Variants in SCLT1 observed in about 807,000 individuals in gnomAD.
SCLT1 encodes sodium channel-associated protein 1.
A neutral mutation model predicts 112.8 loss-of-function variants in SCLT1; 78 were observed. The observed-to-expected ratio is 0.69, with a 90% CI of 0.58 to 0.83. SCLT1 has a LOEUF of 0.83. SCLT1 is among the 40% of genes least tolerant of loss of function. SCLT1 has a pLI of 0.00. For synonymous variants in SCLT1, 257 were observed against 254.7 expected (o/e 1.01, Z -0.09); for missense variants, 747 against 770.4 (o/e 0.97, Z 0.36).
intron 20 of SCLT1, among the ~76,000 whole-genome samples, chr4:128,887,998 T>C (rs1733014764): frequency 6.6e-6 from 1 of 152,214 alleles, no homozygotes; most frequent in Non-Finnish European, 1.5e-5. Flanking sequence ...TAGAGCAGTG[T>C]TGTGTAACAG....
intron 8 of SCLT1, among the ~76,000 whole-genome samples, chr4:128,997,034 T>G (rs1052193306): frequency 9.2e-5 from 14 of 152,052 alleles, no homozygotes; most frequent in African/African-American, 3.4e-4. Flanking sequence ...AGTAACCATT[T>G]TGTTCTGGAG....
At chr4:129,014,745 G>A (rs1744841057) in intron 5 of SCLT1, among the ~76,000 whole-genome samples, 1 of 152,230 alleles carries the variant, frequency 6.6e-6, no homozygotes, top group Non-Finnish European at 1.5e-5. Flanking sequence ...GTCAGCCAAA[G>A]TGTTTCATAG....
intron 18 of SCLT1, among the ~76,000 whole-genome samples, chr4:128,928,842 A>T (rs2125971515): frequency 6.6e-6 from 1 of 152,282 alleles, no homozygotes; most frequent in South Asian, 2.1e-4. Context: ...CGCAAAAAAA[A>T]AAAAAATTAA....
In SCLT1 at chr4:129,092,938, T is replaced by C. The variant is rs1752982290; in HGVS notation, c.34+132A>G. The C allele has an allele frequency of 5.7e-6, 4 of 704,026 alleles. No individual in the cohort carries two copies. The Admixed American group carries it at 9.6e-5, about 17-fold the overall frequency. The allele number at this position is 704,026 out of a possible 1,614,324, so 43.6% of individuals were successfully genotyped here. A position where few individuals can be genotyped will look rare whatever the true frequency, so the allele number is the denominator to read the frequency against. ...CTCACGTATAACATCAAGGTTTTTT[T>C]TTTCCTGCAACTAACTTCTTTAACT... On this transcript the variant is annotated intron_variant, in intron 1 of 20. Transcript: ENST00000281142.
intron 18 of SCLT1, among the ~76,000 whole-genome samples, chr4:128,911,031 A>G (rs1735054527): frequency 6.6e-6 from 1 of 152,174 alleles, no homozygotes; most frequent in Non-Finnish European, 1.5e-5. Context: ...TGGAAGGCCA[A>G]GGTGGGTAGA....
chr4:129,051,052 T>G (rs1415027406), intron 2 of SCLT1, among the ~76,000 whole-genome samples: 1 of 152,168 alleles, frequency 6.6e-6, no homozygotes, highest in African/African-American at 2.4e-5. Flanking sequence ...TGGTGTTATT[T>G]CTGAGGCCTC....
intron 9 of SCLT1, among the ~76,000 whole-genome samples, chr4:128,984,138 T>C (rs1741898543): frequency 6.6e-6 from 1 of 152,212 alleles, no homozygotes; most frequent in Non-Finnish European, 1.5e-5. Flanking sequence ...GTTTTAGGCT[T>C]TGGAAAACTG....
At chr4:128,978,678 T>C (rs917832797) in intron 9 of SCLT1, among the ~76,000 whole-genome samples, 4 of 151,968 alleles carry the variant, frequency 2.6e-5, no homozygotes, top group Non-Finnish European at 5.9e-5. Context: ...AAAGAGTGAC[T>C]ATAATAAATA....
chr4:129,032,909 G>A (rs890938849), intron 5 of SCLT1, among the ~76,000 whole-genome samples: 16 of 152,158 alleles, frequency 1.1e-4, no homozygotes, highest in Admixed American at 3.9e-4. Context: ...TTCAACCATT[G>A]TGGAAGACAG....
At position 128,943,070 on chromosome 4, in the gene SCLT1, T is replaced by C. The variant is rs1316449288; in HGVS notation, c.1558A>G (p.Asn520Asp). 6.2e-7 allele frequency: 1 copy of C among 1,613,472 alleles called. No homozygotes were observed. The highest frequency in any genetic ancestry group is 8.5e-7 in the Non-Finnish European group (1 of 1,179,570). Reference protein sequence around the residue: ...SEQRLKLQQENKQLRKETESL... With the variant: ...SEQRLKLQQEDKQLRKETESL... ...TCAGTCTCTTTCCGTAACTGTTTAT[T>C]TTCTTGCTGAAGTTTTAGCCTTTGT... The change falls in exon 17 of 21, where the codon AAT becomes GAT. Residue 520 changes from asparagine (N) to aspartate (D), a missense_variant. Physicochemically the swap from Asn to Asp is conservative, Grantham distance 23. Transcript: ENST00000281142.
chr4:128,908,787 T>C (rs1341448803), intron 18 of SCLT1, among the ~76,000 whole-genome samples: 1 of 152,182 alleles, frequency 6.6e-6, no homozygotes, highest in Admixed American at 6.5e-5. Flanking sequence ...ACTGAGTTAG[T>C]TAAGTGCCCA....
rs769159620 is a variant in SCLT1, at chr4:128,942,980, C to T, written c.1632+16G>A. ...GATTTTCATAAGTACACATTTAACT[C>T]TAGTCTTGAAAATACCTTTACTTTG... On this transcript the variant is annotated intron_variant, in intron 17 of 20. Coordinates refer to ENST00000281142, the MANE Select transcript of SCLT1 (RefSeq NM_144643.4). The T allele has an allele frequency of 1.9e-6, 3 of 1,567,646 alleles. No individual in the cohort carries two copies. In the South Asian group the frequency reaches 3.4e-5, roughly 18 times the overall value.
At chr4:129,030,986 C>T (rs112133246) in intron 5 of SCLT1, among the ~76,000 whole-genome samples, 2,190 of 152,124 alleles carry the variant, frequency 0.014, 47 homozygotes, top group African/African-American at 0.044. Context: ...AGGCCAGCAT[C>T]GTCCTGATAC....
chr4:129,013,139 C>T (rs1744686738), intron 5 of SCLT1, among the ~76,000 whole-genome samples: 1 of 152,124 alleles, frequency 6.6e-6, no homozygotes, highest in Non-Finnish European at 1.5e-5. Context: ...TCTCCCTCCT[C>T]CCACCCTCTC....
In SCLT1 at chr4:129,025,272, G is replaced by A. The variant is rs542565643; in HGVS notation, c.290+13769C>T. Among the ~76,000 whole-genome samples, 732 of 152,246 alleles carry A rather than the reference G, an allele frequency of 4.8e-3. 4 individuals are homozygous for A. Among genetic ancestry groups the A allele is most frequent in the African/African-American group, 0.016 (665 of 41,560 alleles). On this transcript the variant is annotated intron_variant, in intron 5 of 20. Transcript: ENST00000281142. ...TCAGATTCACCAAAGTGGAAATGAA[G>A]GAAAAAATGTTAAGGGCAGCCAGAG...
At chr4:129,071,916 G>T (rs757404139) in intron 2 of SCLT1, among the ~76,000 whole-genome samples, 1 of 152,082 alleles carries the variant, frequency 6.6e-6, no homozygotes, top group Non-Finnish European at 1.5e-5. Flanking sequence ...GGTCCTGTGT[G>T]ATTTATGCTT....
intron 2 of SCLT1, among the ~76,000 whole-genome samples, chr4:129,058,807 C>T (rs1007057869): frequency 6.6e-6 from 1 of 152,054 alleles, no homozygotes; most frequent in Non-Finnish European, 1.5e-5. Flanking sequence ...GTGTTAATGT[C>T]ACCACCTATT....
intron 5 of SCLT1, among the ~76,000 whole-genome samples, chr4:129,010,748 C>T (rs548268704): frequency 6.6e-6 from 1 of 152,070 alleles, no homozygotes; most frequent in Non-Finnish European, 1.5e-5. Context: ...TACAGGAGTG[C>T]TAGTAATTTT....
chr4:128,885,723 A>C (rs1732844758), intron 20 of SCLT1, among the ~76,000 whole-genome samples: 1 of 152,246 alleles, frequency 6.6e-6, no homozygotes, highest in African/African-American at 2.4e-5. Flanking sequence ...TTTGAAAGAT[A>C]CTGCCAAACT....
Sources: gnomAD v4.1 joint callset for allele counts (sites outside exome capture counted in the v4.1 genomes callset) on GRCh38, gnomAD v4.1.1 for gene constraint, MANE v1.5 for transcripts, NCBI Gene and HGNC (gene_info 2026-07-23, HGNC 2026-07-21) for gene names.